The following ATRNL1 variants were observed in gnomAD, a reference collection of about 807,000 sequenced individuals.
ATRNL1 encodes the protein attractin like 1, also known as attractin-like protein 1.
A neutral mutation model predicts 182.7 loss-of-function variants in ATRNL1; 95 were observed. That is an observed-to-expected ratio of 0.52 (90% CI 0.44 to 0.62). The LOEUF (loss-of-function observed/expected upper bound fraction) is 0.62. ATRNL1 is among the 20% of genes least tolerant of loss of function. ATRNL1 has a pLI of 0.00. For synonymous variants in ATRNL1, 576 were observed against 568.3 expected (o/e 1.01, Z -0.19); for missense variants, 1,471 against 1,679.5 (o/e 0.88, Z 2.17).
chr10:115,582,625 A>G (rs1167694843), intron 26 of ATRNL1, among the ~76,000 whole-genome samples: 3 of 141,384 alleles, frequency 2.1e-5, no homozygotes, highest in South Asian at 5.1e-4. Flanking sequence ...GTTTGAGTTC[A>G]TTGTAGATTC....
At chr10:115,578,981 G>T (rs143054931) in intron 26 of ATRNL1, among the ~76,000 whole-genome samples, 158 of 151,322 alleles carry the variant, frequency 1.0e-3, no homozygotes, top group African/African-American at 3.7e-3. Context: ...CAAAGCATTT[G>T]GTTTCATTTT....
intron 17 of ATRNL1, among the ~76,000 whole-genome samples, chr10:115,303,123 C>CT (rs35839993): frequency 0.72 from 106,614 of 148,158 alleles, 38,478 homozygotes; most frequent in East Asian, 0.82. Flanking sequence ...ACTTTATGTC[C>CT]TTTTTTTTTT....
At chr10:115,212,618 C>T (rs1564824410) in intron 8 of ATRNL1, among the ~76,000 whole-genome samples, 1 of 151,998 alleles carries the variant, frequency 6.6e-6, no homozygotes, top group Admixed American at 6.6e-5. Flanking sequence ...CAATGATAGA[C>T]TGAATAAAGA....
intron 8 of ATRNL1, 61 bp downstream of exon 8, chr10:115,171,353 A>G: frequency 7.1e-7 from 1 of 1,407,884 alleles, no homozygotes; most frequent in Non-Finnish European, 9.7e-7. Flanking sequence ...CTTTAATAAA[A>G]TCTTCATATG....
chr10:115,622,382 T>C (rs1857824040), intron 26 of ATRNL1, among the ~76,000 whole-genome samples: 1 of 152,226 alleles, frequency 6.6e-6, no homozygotes, highest in Non-Finnish European at 1.5e-5. Flanking sequence ...TGCATCCAGC[T>C]AGCTATCCTG....
intron 5 of ATRNL1, among the ~76,000 whole-genome samples, chr10:115,133,500 A>C (rs1554875763): frequency 6.6e-6 from 1 of 152,178 alleles, no homozygotes; most frequent in Non-Finnish European, 1.5e-5. Flanking sequence ...AGAGCTGACT[A>C]TCCTAAATAT....
At chr10:115,286,974 C>G (rs1224520559) in intron 15 of ATRNL1, among the ~76,000 whole-genome samples, 1 of 151,842 alleles carries the variant, frequency 6.6e-6, no homozygotes, top group Non-Finnish European at 1.5e-5. Flanking sequence ...ACTTGGAATA[C>G]TATGCCATTT....
intron 26 of ATRNL1, among the ~76,000 whole-genome samples, chr10:115,623,092 A>G (rs188365191): frequency 1.3e-3 from 203 of 152,312 alleles, no homozygotes; most frequent in Non-Finnish European, 2.5e-3. Flanking sequence ...TTTCTCAGTA[A>G]ATGATAGGTC....
At chr10:115,141,621 T>C (rs1244576702) in intron 5 of ATRNL1, among the ~76,000 whole-genome samples, 1 of 152,124 alleles carries the variant, frequency 6.6e-6, no homozygotes, top group African/African-American at 2.4e-5. Flanking sequence ...ATGGACATAT[T>C]TAGTTATTTT....
intron 21 of ATRNL1, among the ~76,000 whole-genome samples, chr10:115,441,391 C>G (rs1846673036): frequency 6.6e-6 from 1 of 151,960 alleles, no homozygotes; most frequent in African/African-American, 2.4e-5. Flanking sequence ...ATCCCCACAA[C>G]TCCATAGACA....
chr10:115,750,186 C>CT (rs1948407371), intron 27 of ATRNL1, among the ~76,000 whole-genome samples: 1 of 151,854 alleles, frequency 6.6e-6, no homozygotes. Flanking sequence ...TAATAAAATA[C>CT]TTTAATTTCA....
chr10:115,249,324 T>G (rs1369914514), intron 10 of ATRNL1, among the ~76,000 whole-genome samples: 1 of 151,646 alleles, frequency 6.6e-6, no homozygotes, highest in Non-Finnish European at 1.5e-5. Context: ...TTTACAGTAA[T>G]ACAGATATAT....
rs115114954 is a variant in ATRNL1, at chr10:115,938,619, A to G, written c.4019-6039A>G. 6.8e-3 allele frequency among the ~76,000 whole-genome samples: 1,031 copies of G among 152,332 alleles called. 18 individuals carry two copies. The highest frequency in any genetic ancestry group is 0.024 in the African/African-American group (988 of 41,568). On this transcript the variant is annotated intron_variant, in intron 28 of 28. Coordinates refer to ENST00000355044, the MANE Select transcript of ATRNL1 (RefSeq NM_207303.4). ...TATGTGTCCATCAACGGATAAAGGG[A>G]AAAATCAATAAAGAGAATGTGGTCT...
chr10:115,550,480 T>C (rs1852910331), intron 26 of ATRNL1, among the ~76,000 whole-genome samples: 1 of 151,808 alleles, frequency 6.6e-6, no homozygotes, highest in Non-Finnish European at 1.5e-5. Context: ...TAGTCTATTT[T>C]TAAGCACCCA....
chr10:115,564,806 T>G (rs1444231598), intron 26 of ATRNL1, among the ~76,000 whole-genome samples: 1 of 151,964 alleles, frequency 6.6e-6, no homozygotes, highest in Non-Finnish European at 1.5e-5. Flanking sequence ...TGAATATACA[T>G]CTTTTTCTAC....
chr10:115,329,730 G>A (rs1379047884), intron 18 of ATRNL1, among the ~76,000 whole-genome samples: 3 of 152,036 alleles, frequency 2.0e-5, no homozygotes, highest in African/African-American at 7.2e-5. Flanking sequence ...CGTGCAATAT[G>A]TTTTTGCATC....
chr10:115,706,490 T>C (rs950803478), intron 26 of ATRNL1, among the ~76,000 whole-genome samples: 5 of 151,820 alleles, frequency 3.3e-5, no homozygotes, highest in African/African-American at 1.2e-4. Flanking sequence ...GGGGTGGGCA[T>C]TATTCAGCCC....
At chr10:115,908,326 T>A (rs116154794) in intron 28 of ATRNL1, among the ~76,000 whole-genome samples, 2,333 of 152,258 alleles carry the variant, frequency 0.015, 51 homozygotes, top group African/African-American at 0.054. Context: ...CATTTTTTTT[T>A]CTGGGGGCTC....
chr10:115,470,839 C>T (rs1457476592), intron 24 of ATRNL1, among the ~76,000 whole-genome samples: 18 of 150,222 alleles, frequency 1.2e-4, no homozygotes, highest in Admixed American at 8.7e-4. Context: ...ACTCATTATG[C>T]CTATGGAATA....
Sources: gnomAD v4.1 joint callset for allele counts (sites outside exome capture counted in the v4.1 genomes callset) on GRCh38, gnomAD v4.1.1 for gene constraint, MANE v1.5 for transcripts, NCBI Gene and HGNC (gene_info 2026-07-23, HGNC 2026-07-21) for gene names.